CSMD2: variants seen among roughly 807,000 people sequenced by gnomAD.
CSMD2 encodes the protein CUB and Sushi multiple domains 2.
In CSMD2, 130 loss-of-function variants were observed where a neutral mutation model predicts 398.5. The observed-to-expected ratio is 0.33, with a 90% confidence interval of 0.28 to 0.38. The LOEUF is 0.38. Among genes scored for constraint, CSMD2 ranks in the 10% least tolerant of loss-of-function variants. The probability of loss-of-function intolerance (pLI) is 1.00; values close to 1 mark genes in which losing one functional copy is unlikely to be tolerated. For missense variants in CSMD2, 3,829 were observed against 4,764.9 expected, an observed-to-expected ratio of 0.80 and a Z score of 5.78; for synonymous variants, 1,828 against 1,908.5, an observed-to-expected ratio of 0.96 and a Z score of 1.10.
chr1:33,611,541 T>G (rs879897811), intron 40 of CSMD2, among the ~76,000 whole-genome samples: 1 of 152,238 alleles, frequency 6.6e-6, no homozygotes, highest in Non-Finnish European at 1.5e-5. Flanking sequence ...GGTCAACACT[T>G]GTTTAAATTT....
chr1:33,652,349 G>C lies in CSMD2; in HGVS notation c.4560C>G (p.Asp1520Glu). The C allele has an allele frequency of 6.2e-7, 1 of 1,614,192 alleles. No homozygotes were observed. Among genetic ancestry groups the C allele is most frequent in the Non-Finnish European group, 8.5e-7 (1 of 1,180,024 alleles). The change falls in exon 28 of 71, where the codon GAC becomes GAG. Residue 1520 changes from aspartate (D) to glutamate (E), a missense_variant. Coordinates refer to ENST00000373381, the MANE Select transcript of CSMD2 (RefSeq NM_001281956.2). ...TGTTAAATACCAGGGCGATGACGTA[G>C]TCTGGTGAGACGGTCACTTTCCAGT... ...ECDWKVTVSP[D>E]YVIALVFNIF...
chr1:33,636,268 C>T lies in CSMD2; in HGVS notation c.4969+92G>A. On this transcript the variant is annotated intron_variant, in intron 30 of 70. Transcript: ENST00000373381. The surrounding 1 kb of genome is among the most constrained non-coding windows in gnomAD (Gnocchi z 4.8). ...GCTTGGAGGAGCCGGGCTTGAGGAC[C>T]TTGCCCCCCTCCCTTCCCCAGCCCA... 2 of 1,310,854 alleles carry T rather than the reference C, an allele frequency of 1.5e-6. No homozygotes were observed. Among genetic ancestry groups the T allele is most frequent in the South Asian group, 2.9e-5 (2 of 69,432 alleles). 81.2% of individuals were successfully genotyped at this position (1,310,854 alleles called of 1,614,324 possible).
intron 44 of CSMD2, chr1:33,599,893 G>A (rs983288279): frequency 1.4e-5 from 6 of 435,270 alleles, no homozygotes; most frequent in Admixed American, 4.0e-5. Flanking sequence ...GTGCACGCAT[G>A]ATGTAATAAC....
chr1:33,700,470 T>G, intron 23 of CSMD2, 47 bp downstream of exon 23: 1 of 1,596,390 alleles, frequency 6.3e-7, no homozygotes, highest in Non-Finnish European at 8.6e-7. Flanking sequence ...ATGAATAAAA[T>G]GGGAAACCCT....
chr1:33,711,715 CT>C (rs1645996716), intron 21 of CSMD2, among the ~76,000 whole-genome samples: 1 of 152,190 alleles, frequency 6.6e-6, no homozygotes, highest in African/African-American at 2.4e-5. Flanking sequence ...TAAACATGGG[CT>C]TGGGTGTGTT....
chr1:34,037,862 C>T (rs1651346275), intron 2 of CSMD2, among the ~76,000 whole-genome samples: 2 of 152,274 alleles, frequency 1.3e-5, no homozygotes, highest in South Asian at 2.1e-4. Context: ...TTTCTCGGTA[C>T]TATATTGATG....
intron 3 of CSMD2, among the ~76,000 whole-genome samples, chr1:33,971,702 C>T (rs948513013): frequency 6.6e-6 from 1 of 152,132 alleles, no homozygotes; most frequent in Non-Finnish European, 1.5e-5. Context: ...GGTTCAAGTG[C>T]CTTCGGCAGG....
rs758754654 is a variant in CSMD2, at chr1:33,602,482, C to T, written c.6597G>A (p.Pro2199=). Residue 2199 remains proline, a synonymous_variant, in exon 43 of 71, where the codon CCG becomes CCA. Coordinates refer to ENST00000373381, the MANE Select transcript of CSMD2 (RefSeq NM_001281956.2). ...GTVYSPGFPS[P]YSSSQDCVWL... is the part of the protein sequence containing the mutation. ...AGACACAGTCCTGGGAGCTGGAGTACGGGCTAGGGAACCCCGGGGAGTACA... is the reference window on the plus strand; with the variant it reads ...AGACACAGTCCTGGGAGCTGGAGTATGGGCTAGGGAACCCCGGGGAGTACA... The T allele has an allele frequency of 7.4e-6, 12 of 1,613,308 alleles. No individual in the cohort carries two copies. Among genetic ancestry groups the T allele is most frequent in the African/African-American group, 4.0e-5 (3 of 74,884 alleles).
At chr1:33,734,978 G>A (rs1374643833) in intron 15 of CSMD2, among the ~76,000 whole-genome samples, 2 of 152,046 alleles carry the variant, frequency 1.3e-5, no homozygotes, top group Admixed American at 1.3e-4. Context: ...GTTTCATGCT[G>A]TCAATTTCCG....
chr1:34,096,057 C>T (rs1659256565), intron 1 of CSMD2, among the ~76,000 whole-genome samples: 2 of 151,864 alleles, frequency 1.3e-5, no homozygotes, highest in South Asian at 4.1e-4. Context: ...AAAAGATTAT[C>T]CACCATGATC....
chr1:33,948,804 T>C (rs2125362361), intron 3 of CSMD2, among the ~76,000 whole-genome samples: 1 of 152,298 alleles, frequency 6.6e-6, no homozygotes, highest in African/African-American at 2.4e-5. Context: ...AATGCAGGGA[T>C]AGAGGCGCAG....
At chr1:33,592,645 A>G (rs142245584) in intron 44 of CSMD2, among the ~76,000 whole-genome samples, 1 of 152,298 alleles carries the variant, frequency 6.6e-6, no homozygotes, top group East Asian at 1.9e-4. Flanking sequence ...TAATTGGATA[A>G]TCACTTTAAA....
chr1:34,022,098 T>A (rs943979345), intron 3 of CSMD2, among the ~76,000 whole-genome samples: 2 of 152,184 alleles, frequency 1.3e-5, no homozygotes, highest in Non-Finnish European at 2.9e-5. Flanking sequence ...GCCTTTCACA[T>A]GGGGCAAGAC....
intron 41 of CSMD2, among the ~76,000 whole-genome samples, chr1:33,610,188 T>C (rs1223406654): frequency 1.3e-5 from 2 of 151,960 alleles, no homozygotes; most frequent in Non-Finnish European, 2.9e-5. Flanking sequence ...CAGCCTGAGC[T>C]AACACAATGT....
At chr1:33,972,978 G>C (rs1172731195) in intron 3 of CSMD2, among the ~76,000 whole-genome samples, 1 of 152,200 alleles carries the variant, frequency 6.6e-6, no homozygotes, top group Non-Finnish European at 1.5e-5. Context: ...TGCAGACTGA[G>C]AGACGGCTGA....
intron 1 of CSMD2, among the ~76,000 whole-genome samples, chr1:34,105,374 G>A (rs937530598): frequency 1.3e-5 from 2 of 152,310 alleles, no homozygotes; most frequent in Middle Eastern, 6.8e-3. Flanking sequence ...GTCCCCTAGG[G>A]GGAAAATCAC....
intron 64 of CSMD2, among the ~76,000 whole-genome samples, chr1:33,531,836 G>C (rs1655260462): frequency 6.6e-6 from 1 of 152,144 alleles, no homozygotes; most frequent in African/African-American, 2.4e-5. Flanking sequence ...GGCAGTTATT[G>C]TTTAATGGGT....
intron 13 of CSMD2, among the ~76,000 whole-genome samples, chr1:33,768,185 C>T (rs1236403266): frequency 1.3e-5 from 2 of 152,160 alleles, no homozygotes; most frequent in African/African-American, 4.8e-5. Flanking sequence ...ATCATAGCCT[C>T]ACTTAAAACA....
intron 41 of CSMD2, chr1:33,605,814 G>A: frequency 6.7e-7 from 1 of 1,483,124 alleles, no homozygotes; most frequent in East Asian, 2.3e-5. Context: ...AGTGCCACTG[G>A]GGGCCAGGCA....
Sources: gnomAD v4.1 joint callset for allele counts (sites outside exome capture counted in the v4.1 genomes callset) on GRCh38, gnomAD v4.1.1 for gene constraint, Gnocchi (gnomAD v3.1) non-coding constraint, MANE v1.5 for transcripts, NCBI Gene and HGNC (gene_info 2026-07-23, HGNC 2026-07-21) for gene names.